Variants in N4BP2L2 observed in about 807,000 individuals in gnomAD.
N4BP2L2 encodes NEDD4-binding protein 2-like 2.
In N4BP2L2, 50 loss-of-function variants were observed where a neutral mutation model predicts 56.2. The observed-to-expected ratio is 0.89, with a 90% CI of 0.71 to 1.13. The LOEUF is 1.13. Among genes scored for constraint, N4BP2L2 ranks in the 50% most tolerant of loss-of-function variants. N4BP2L2 has a pLI of 0.00. For synonymous variants in N4BP2L2, 203 were observed against 223.6 expected (o/e 0.91, Z 0.82); for missense variants, 689 against 693.8 (o/e 0.99, Z 0.08).
At chr13:32,467,421 C>G (rs1017352782) in intron 6 of N4BP2L2, among the ~76,000 whole-genome samples, 1 of 151,772 alleles carries the variant, frequency 6.6e-6, no homozygotes, top group African/African-American at 2.4e-5. Context: ...CCATGCCCAG[C>G]TAATTTTTGT....
exon 6 of N4BP2L2, chr13:32,510,424 AAT>A (rs2091601069): frequency 6.6e-6 from 1 of 152,154 alleles, no homozygotes; most frequent in Admixed American, 6.5e-5. Flanking sequence ...ATGTTCCTAA[AAT>A]ATGATTATCA....
intron 6 of N4BP2L2, among the ~76,000 whole-genome samples, chr13:32,466,988 T>C (rs1288658182): frequency 2.0e-5 from 3 of 152,200 alleles, no homozygotes; most frequent in Middle Eastern, 3.2e-3. Context: ...TAAGAGATTT[T>C]AGTAAGGCAT....
chr13:32,446,493 A>G (rs1394955419), intron 6 of N4BP2L2: 1 of 1,312,200 alleles, frequency 7.6e-7, no homozygotes, highest in East Asian at 5.2e-5. Context: ...GTTGCAGGGC[A>G]AGGAGAAAAA....
chr13:32,435,952 TA>T (rs1015053741), intron 9 of N4BP2L2, among the ~76,000 whole-genome samples: 6 of 152,344 alleles, frequency 3.9e-5, no homozygotes, highest in African/African-American at 1.4e-4. Flanking sequence ...GTTTAAAATA[TA>T]ACATGAGTTT....
rs2057277081 is a variant in N4BP2L2, at chr13:32,538,782, G to A, written c.-165C>T. 9 of 985,366 alleles carry A rather than the reference G, an allele frequency of 9.1e-6. No homozygotes were observed. Among genetic ancestry groups the A allele is most frequent in the Non-Finnish European group, 1.1e-5 (9 of 829,936 alleles). The allele number at this position is 985,366 out of a possible 1,614,324, so 61.0% of individuals were successfully genotyped here. ...AATCGCGGTAACAAACCTCACCTCC[G>A]TACGCAAGATGGCGGTCACCTCTCG... On this transcript the variant is annotated 5_prime_UTR_variant, in exon 1 of 6. The change creates a new upstream start codon in the 5' untranslated region. Coordinates refer to ENST00000267068, the Ensembl canonical transcript of N4BP2L2.
In N4BP2L2 at chr13:32,442,466, G is replaced by T. The variant is rs34539888; in HGVS notation, c.2026C>A (p.Arg676Ser). ...TGTGATAATGGTAGCTCAAGGGAACGGTAGTCAGTGCTTGTTAAGTCTTGG... is the reference window on the plus strand; with the variant it reads ...TGTGATAATGGTAGCTCAAGGGAACTGTAGTCAGTGCTTGTTAAGTCTTGG... The change falls in exon 7 of 10, where the codon CGT becomes AGT. Residue 676 changes from arginine (R) to serine (S), a missense_variant. By Grantham distance (110) the Arg-to-Ser change is moderately radical (BLOSUM62 -1). Transcript: ENST00000357505. 0.011 allele frequency: 17,691 copies of T among 1,612,978 alleles called. 1,617 individuals are homozygous for T. The African/African-American group carries it at 0.2, about 18-fold the overall frequency.
chr13:32,442,596 A>C, exon 7 of N4BP2L2: 2 of 1,613,976 alleles, frequency 1.2e-6, no homozygotes, highest in South Asian at 2.2e-5. Flanking sequence ...AAGAGCACGA[A>C]GTATCAGGAT....
intron 6 of N4BP2L2, chr13:32,446,512 A>G: frequency 7.7e-7 from 1 of 1,304,502 alleles, no homozygotes; most frequent in Non-Finnish European, 1.0e-6. Flanking sequence ...AAGAACAAAT[A>G]GAGTTTGTTG....
chr13:32,525,458 G>C (rs1428246188), intron 3 of N4BP2L2: 2 of 152,072 alleles, frequency 1.3e-5, no homozygotes, highest in Non-Finnish European at 2.9e-5. Context: ...CCTCAGCCAG[G>C]CACTGTGGCT....
intron 5 of N4BP2L2, among the ~76,000 whole-genome samples, chr13:32,520,899 A>G (rs1315184852): frequency 6.6e-6 from 1 of 152,154 alleles, no homozygotes; most frequent in Non-Finnish European, 1.5e-5. Flanking sequence ...CTCAGAATTG[A>G]CTTTACATTA....
At chr13:32,453,116 G>A (rs1181139363) in intron 6 of N4BP2L2, among the ~76,000 whole-genome samples, 4 of 152,126 alleles carry the variant, frequency 2.6e-5, no homozygotes, top group Non-Finnish European at 4.4e-5. Context: ...GAAATTAGCC[G>A]AGCATGGTGG....
chr13:32,522,370 T>A, intron 3 of N4BP2L2, 100 bp from the exon 4 acceptor site: 1 of 701,482 alleles, frequency 1.4e-6, no homozygotes, highest in Non-Finnish European at 2.2e-6. Context: ...TCTCTGTACT[T>A]AAAACCAAAA....
chr13:32,493,018 G>A (rs1373268280), intron 6 of N4BP2L2, among the ~76,000 whole-genome samples: 1 of 150,232 alleles, frequency 6.7e-6, no homozygotes, highest in Non-Finnish European at 1.5e-5. Flanking sequence ...TGCCTCCTGG[G>A]TTGAAGTGAT....
chr13:32,478,978 A>C (rs1295119715), intron 6 of N4BP2L2: 1 of 152,012 alleles, frequency 6.6e-6, no homozygotes, highest in Admixed American at 6.6e-5. Context: ...AACAATACAA[A>C]AAAGAAATTA....
rs570447871 is a variant in N4BP2L2, at chr13:32,521,468, G to A, written c.1474-19C>T. 20 of 1,560,776 alleles carry A rather than the reference G, an allele frequency of 1.3e-5. No homozygotes were observed. The highest frequency in any genetic ancestry group is 2.0e-5 in the Admixed American group (1 of 50,592). ...CTATGGCCTACACAAAGGAAAGGAA[G>A]AAAACAAAAACCCAGAGAAGTACTT... On this transcript the variant is annotated intron_variant, in intron 4 of 5. Transcript: ENST00000267068.
At chr13:32,472,725 T>A (rs1471615107) in intron 6 of N4BP2L2, among the ~76,000 whole-genome samples, 1 of 152,164 alleles carries the variant, frequency 6.6e-6, no homozygotes, top group Non-Finnish European at 1.5e-5. Flanking sequence ...GGAACCCATC[T>A]CCTGACTCCT....
chr13:32,483,715 TTTTG>T (rs1566105463), intron 6 of N4BP2L2, among the ~76,000 whole-genome samples: 2 of 152,174 alleles, frequency 1.3e-5, no homozygotes, highest in African/African-American at 4.8e-5. Flanking sequence ...CAGTTTTTTG[TTTTG>T]TTTTTTTGCT....
chr13:32,477,665 G>A, intron 6 of N4BP2L2: 1 of 339,914 alleles, frequency 2.9e-6, no homozygotes, highest in African/African-American at 2.1e-5. Flanking sequence ...CAGGTTGAAT[G>A]CAATCAGAAA....
At chr13:32,469,150 G>C (rs566707455) in intron 6 of N4BP2L2, among the ~76,000 whole-genome samples, 2 of 152,320 alleles carry the variant, frequency 1.3e-5, no homozygotes, top group South Asian at 4.1e-4. Context: ...ACCTCAGCAT[G>C]GGCTGGAACC....
Sources: gnomAD v4.1 joint callset for allele counts (sites outside exome capture counted in the v4.1 genomes callset) on GRCh38, gnomAD v4.1.1 for gene constraint, MANE v1.5 for transcripts, NCBI Gene and HGNC (gene_info 2026-07-23, HGNC 2026-07-21) for gene names.